The following TSHZ2 variants were observed in gnomAD, a reference collection of about 807,000 sequenced individuals.
TSHZ2 encodes teashirt zinc finger homeobox 2.
A neutral mutation model predicts 74.4 loss-of-function variants in TSHZ2; 21 were observed. The observed-to-expected ratio is 0.28, with a 90% CI of 0.20 to 0.41. The LOEUF is 0.41. Among genes scored for constraint, TSHZ2 ranks in the 10% least tolerant of loss-of-function variants. The probability of loss-of-function intolerance (pLI) is 1.00; values close to 1 mark genes in which losing one functional copy is unlikely to be tolerated. For synonymous variants in TSHZ2, 540 were observed against 515.3 expected, an observed-to-expected ratio of 1.05 and a Z score of -0.65; for missense variants, 1,244 against 1,293.5, an observed-to-expected ratio of 0.96 and a Z score of 0.59.
chr20:53,216,865 G>A (rs1989446962), intron 1 of TSHZ2, among the ~76,000 whole-genome samples: 1 of 152,168 alleles, frequency 6.6e-6, no homozygotes, highest in South Asian at 2.1e-4. Flanking sequence ...TTCAAATGCG[G>A]GAACTCTCCC....
intron 1 of TSHZ2, among the ~76,000 whole-genome samples, chr20:53,028,302 G>A (rs565810157): frequency 6.6e-6 from 1 of 152,156 alleles, no homozygotes; most frequent in African/African-American, 2.4e-5. Context: ...AATAACAAAG[G>A]TTCATCCTCA....
intron 2 of TSHZ2, among the ~76,000 whole-genome samples, chr20:53,300,351 A>T (rs1395849199): frequency 6.6e-6 from 1 of 152,252 alleles, no homozygotes; most frequent in Non-Finnish European, 1.5e-5. Flanking sequence ...TTTTAAGGTC[A>T]GAAGTATCAT....
chr20:53,459,873 T>C (rs1173204668), intron 2 of TSHZ2, among the ~76,000 whole-genome samples: 2 of 152,056 alleles, frequency 1.3e-5, no homozygotes, highest in Non-Finnish European at 2.9e-5. Flanking sequence ...TTTAAGAATG[T>C]TGAATATTGG....
intron 1 of TSHZ2, among the ~76,000 whole-genome samples, chr20:53,073,765 A>C (rs1985279034): frequency 6.6e-6 from 1 of 152,202 alleles, no homozygotes; most frequent in African/African-American, 2.4e-5. Flanking sequence ...AGTTAAAAAA[A>C]AAAACTGGTC....
intron 1 of TSHZ2, among the ~76,000 whole-genome samples, chr20:53,085,369 A>G (rs1272086492): frequency 6.6e-6 from 1 of 151,984 alleles, no homozygotes; most frequent in African/African-American, 2.4e-5. Context: ...CATCTCAAAA[A>G]GAAAGAGAGA....
chr20:53,402,701 G>GA (rs949388791), intron 2 of TSHZ2, among the ~76,000 whole-genome samples: 1 of 152,180 alleles, frequency 6.6e-6, no homozygotes, highest in Non-Finnish European at 1.5e-5. Flanking sequence ...TGAATGAGTG[G>GA]AGGGAGGTGG....
rs149780311 is a variant in TSHZ2, at chr20:53,017,688, A to G, written c.40+44355A>G. ...CAATCCATCAAACAGCCTAATATTT[A>G]CTAAGATTGTCTGTGGGCTAGAGAA... On this transcript the variant is annotated intron_variant, in intron 1 of 2. Coordinates refer to ENST00000371497, the MANE Select transcript of TSHZ2 (RefSeq NM_173485.6). 1.4e-4 allele frequency among the ~76,000 whole-genome samples: 21 copies of G among 152,296 alleles called. No individual in the cohort carries two copies. The East Asian group carries it at 2.9e-3, about 21-fold the overall frequency.
At chr20:53,278,479 C>A (rs1990988801) in intron 2 of TSHZ2, among the ~76,000 whole-genome samples, 1 of 152,124 alleles carries the variant, frequency 6.6e-6, no homozygotes, top group African/African-American at 2.4e-5. Context: ...TTGAAGTATA[C>A]CCTCCTGTTG....
At chr20:53,469,045 TTA>T (rs143724013) in intron 2 of TSHZ2, among the ~76,000 whole-genome samples, 1,373 of 49,058 alleles carry the variant, frequency 0.028, 22 homozygotes, top group Middle Eastern at 0.044. Context: ...AATCGATATT[TTA>T]TATATATATA....
At chr20:53,483,415 G>C (rs3908771) in intron 2 of TSHZ2, among the ~76,000 whole-genome samples, 30,430 of 152,084 alleles carry the variant, frequency 0.2, 3,220 homozygotes, top group East Asian at 0.3. Context: ...GGAGGCTAAC[G>C]TGGGAGGATG....
intron 2 of TSHZ2, among the ~76,000 whole-genome samples, chr20:53,317,558 A>G (rs1054253459): frequency 6.6e-6 from 1 of 152,226 alleles, no homozygotes; most frequent in Non-Finnish European, 1.5e-5. Context: ...AATGCCAGTC[A>G]GCAAAAGGAA....
chr20:53,001,352 G>A (rs907584096), intron 1 of TSHZ2, among the ~76,000 whole-genome samples: 12 of 152,040 alleles, frequency 7.9e-5, no homozygotes, highest in African/African-American at 2.9e-4. Context: ...AGGAAAGCCT[G>A]TGTTATTCTC....
At chr20:53,007,927 A>G (rs1189508720) in intron 1 of TSHZ2, among the ~76,000 whole-genome samples, 1 of 152,162 alleles carries the variant, frequency 6.6e-6, no homozygotes, top group Non-Finnish European at 1.5e-5. Flanking sequence ...ACTTTTATTC[A>G]TAATACTAAT....
At chr20:53,246,811 C>T (rs915246429) in intron 1 of TSHZ2, among the ~76,000 whole-genome samples, 8 of 152,158 alleles carry the variant, frequency 5.3e-5, no homozygotes, top group Non-Finnish European at 8.8e-5. Context: ...GATTAGAAAA[C>T]GTTTTACAGT....
intron 1 of TSHZ2, among the ~76,000 whole-genome samples, chr20:53,036,478 AAC>A (rs917543189): frequency 4.0e-5 from 6 of 151,728 alleles, no homozygotes; most frequent in Non-Finnish European, 8.8e-5. Flanking sequence ...AAGAAATAGA[AAC>A]ACATATACAT....
At chr20:53,301,353 G>A (rs566508195) in intron 2 of TSHZ2, among the ~76,000 whole-genome samples, 73 of 152,346 alleles carry the variant, frequency 4.8e-4, no homozygotes, top group African/African-American at 1.7e-3. Flanking sequence ...GGAGACTGAA[G>A]TTCAGATTCT....
intron 2 of TSHZ2, among the ~76,000 whole-genome samples, chr20:53,429,759 G>C (rs1983772734): frequency 6.6e-6 from 1 of 152,166 alleles, no homozygotes; most frequent in South Asian, 2.1e-4. Context: ...TACACAGAGT[G>C]GTTTAGATGG....
At chr20:53,257,759 C>T (rs1669901819) in intron 2 of TSHZ2, among the ~76,000 whole-genome samples, 2 of 152,306 alleles carry the variant, frequency 1.3e-5, no homozygotes, top group Admixed American at 1.3e-4. Context: ...CTGACCAATC[C>T]AGTTGACGTC....
intron 1 of TSHZ2, among the ~76,000 whole-genome samples, chr20:53,023,521 A>C (rs559312408): frequency 6.6e-6 from 1 of 152,198 alleles, no homozygotes; most frequent in South Asian, 2.1e-4. Flanking sequence ...TTAGAAAACT[A>C]GATATTCTAA....
Sources: allele counts gnomAD v4.1 joint callset (sites outside exome capture counted in the v4.1 genomes callset), GRCh38; gene constraint gnomAD v4.1.1; transcripts MANE v1.5; gene names NCBI Gene and HGNC (gene_info 2026-07-23, HGNC 2026-07-21).